The following GPC5 variants were observed in gnomAD, a reference collection of about 807,000 sequenced individuals.
The protein encoded by GPC5 is glypican-5.
A neutral mutation model predicts 53.9 loss-of-function variants in GPC5; 47 were observed. The observed-to-expected ratio is 0.87, with a 90% CI of 0.69 to 1.11. GPC5 has a LOEUF of 1.11. Among genes scored for constraint, GPC5 ranks in the 50% most tolerant of loss-of-function variants. The pLI, the probability that GPC5 is intolerant of heterozygous loss-of-function variation, is 0.00. For synonymous variants in GPC5, 286 were observed against 263.3 expected (o/e 1.09, Z -0.84); for missense variants, 748 against 713.1 (o/e 1.05, Z -0.56).
chr13:91,772,143 A>G (rs1004175546), intron 5 of GPC5, among the ~76,000 whole-genome samples: 2 of 152,162 alleles, frequency 1.3e-5, no homozygotes, highest in Admixed American at 6.6e-5. Context: ...AGAGAACTTC[A>G]TCTTTGGTGG....
chr13:91,973,891 C>T (rs2139096193), intron 6 of GPC5, among the ~76,000 whole-genome samples: 1 of 152,280 alleles, frequency 6.6e-6, no homozygotes, highest in East Asian at 1.9e-4. Context: ...TCAGTCTGCC[C>T]CTACAGGGGG....
intron 7 of GPC5, among the ~76,000 whole-genome samples, chr13:92,275,730 T>C (rs2042870817): frequency 6.6e-6 from 1 of 152,128 alleles, no homozygotes; most frequent in Non-Finnish European, 1.5e-5. Flanking sequence ...CCTAATATTA[T>C]AGGACAGTAT....
chr13:92,225,648 C>T (rs2042479836), intron 7 of GPC5, among the ~76,000 whole-genome samples: 2 of 152,128 alleles, frequency 1.3e-5, no homozygotes, highest in African/African-American at 4.8e-5. Context: ...GCAAAGCTTA[C>T]TCCAGAGAAT....
chr13:92,535,833 G>T (rs1210938493), intron 7 of GPC5, among the ~76,000 whole-genome samples: 1 of 152,020 alleles, frequency 6.6e-6, no homozygotes, highest in African/African-American at 2.4e-5. Context: ...AACAAGGCAT[G>T]GATGTTGGAA....
intron 7 of GPC5, among the ~76,000 whole-genome samples, chr13:92,371,449 T>C (rs528009828): frequency 1.3e-5 from 2 of 152,270 alleles, no homozygotes; most frequent in South Asian, 4.1e-4. Flanking sequence ...AAAGCAGCAG[T>C]ATGCTTTCAG....
chr13:91,980,829 T>C (rs934774000), intron 6 of GPC5, among the ~76,000 whole-genome samples: 4 of 152,216 alleles, frequency 2.6e-5, no homozygotes, highest in Non-Finnish European at 5.9e-5. Context: ...AGTTCACCTT[T>C]ATGTAAGTGG....
chr13:91,728,458 C>T (rs2140007451), intron 3 of GPC5, 74 bp from the exon 4 acceptor site: 3 of 1,415,686 alleles, frequency 2.1e-6, no homozygotes, highest in Non-Finnish European at 1.9e-6. Context: ...TTGTTTTGGG[C>T]CCTATGAAAC....
At chr13:92,410,517 AG>A (rs1875995987) in intron 7 of GPC5, among the ~76,000 whole-genome samples, 2 of 152,196 alleles carry the variant, frequency 1.3e-5, no homozygotes, top group African/African-American at 2.4e-5. Flanking sequence ...AGCATTGCAC[AG>A]AACTTTCTTT....
At chr13:91,686,260 G>C (rs1379289452) in intron 2 of GPC5, among the ~76,000 whole-genome samples, 1 of 151,940 alleles carries the variant, frequency 6.6e-6, no homozygotes, top group East Asian at 1.9e-4. Flanking sequence ...TAAATGTGAA[G>C]CACCATGAAG....
chr13:91,864,924 A>G (rs2039067788), intron 5 of GPC5, among the ~76,000 whole-genome samples: 1 of 146,082 alleles, frequency 6.8e-6, no homozygotes, highest in Non-Finnish European at 1.5e-5. Context: ...TTTTAATTTG[A>G]GACAGAGTCT....
chr13:91,860,525 CTTT>C (rs553332919), intron 5 of GPC5, among the ~76,000 whole-genome samples: 1 of 132,224 alleles, frequency 7.6e-6, no homozygotes. Flanking sequence ...TTCTTTATTT[CTTT>C]TTTTTTTTTT....
intron 2 of GPC5, among the ~76,000 whole-genome samples, chr13:91,670,572 C>T (rs988849376): frequency 6.6e-6 from 1 of 152,068 alleles, no homozygotes; most frequent in Non-Finnish European, 1.5e-5. Flanking sequence ...TAAAGAAAAT[C>T]CATGATTTTT....
intron 7 of GPC5, among the ~76,000 whole-genome samples, chr13:92,482,996 C>T (rs554371682): frequency 2.0e-5 from 3 of 152,094 alleles, no homozygotes; most frequent in Non-Finnish European, 2.9e-5. Flanking sequence ...AGCAAAGGCA[C>T]GTCTTACATG....
intron 1 of GPC5, among the ~76,000 whole-genome samples, chr13:91,440,088 T>G (rs1880307723): frequency 6.6e-6 from 1 of 152,206 alleles, no homozygotes; most frequent in African/African-American, 2.4e-5. Flanking sequence ...TCATTTGTCT[T>G]GGGGTTCAAG....
intron 7 of GPC5, among the ~76,000 whole-genome samples, chr13:92,184,470 C>A (rs1165421407): frequency 6.6e-6 from 1 of 152,108 alleles, no homozygotes. Context: ...TCCCCACTTC[C>A]TACTTCTCCT....
intron 6 of GPC5, among the ~76,000 whole-genome samples, chr13:92,119,618 C>T: frequency 9.3e-6 from 1 of 107,826 alleles, no homozygotes; most frequent in East Asian, 3.1e-4. Context: ...GACGGGGTTT[C>T]ACCATGTTAG....
chr13:92,251,948 A>T (rs2042695694), intron 7 of GPC5, among the ~76,000 whole-genome samples: 1 of 152,192 alleles, frequency 6.6e-6, no homozygotes, highest in Admixed American at 6.6e-5. Flanking sequence ...AGCAGAAAGA[A>T]CATCAAACAC....
At chr13:91,861,410 C>A (rs1164603295) in intron 5 of GPC5, among the ~76,000 whole-genome samples, 2 of 152,048 alleles carry the variant, frequency 1.3e-5, no homozygotes, top group African/African-American at 4.8e-5. Flanking sequence ...TCAGTGCCCC[C>A]TTTGGCATAT....
intron 7 of GPC5, among the ~76,000 whole-genome samples, chr13:92,718,009 C>T (rs755603613): frequency 1.2e-4 from 19 of 152,258 alleles, no homozygotes; most frequent in Non-Finnish European, 2.5e-4. Context: ...GATATCATCT[C>T]ACCCCAGTTA....
Sources: allele counts gnomAD v4.1 joint callset (sites outside exome capture counted in the v4.1 genomes callset), GRCh38; gene constraint gnomAD v4.1.1; transcripts MANE v1.5; gene names NCBI Gene and HGNC (gene_info 2026-07-23, HGNC 2026-07-21).